Variants in TG observed in about 807,000 individuals in gnomAD.
The protein encoded by TG is thyroglobulin.
A neutral mutation model predicts 324.7 loss-of-function variants in TG; 270 were observed. That is an observed-to-expected ratio of 0.83 (90% CI 0.75 to 0.92). TG has a LOEUF of 0.92. Among genes scored for constraint, TG ranks in the 40% least tolerant of loss-of-function variants. The pLI is 0.00. For synonymous variants in TG, 1,401 were observed against 1,327.0 expected (o/e 1.06, Z -1.21); for missense variants, 3,591 against 3,456.4 (o/e 1.04, Z -0.98).
intron 33 of TG, 52 bp downstream of exon 33, chr8:132,971,925 G>A: frequency 8.3e-7 from 1 of 1,209,404 alleles, no homozygotes; most frequent in Non-Finnish European, 1.2e-6. Flanking sequence ...CTGCAGTTTA[G>A]AAAACACATT....
intron 26 of TG, among the ~76,000 whole-genome samples, chr8:132,947,852 A>G (rs1456631213): frequency 6.6e-6 from 1 of 152,254 alleles, no homozygotes; most frequent in Non-Finnish European, 1.5e-5. Flanking sequence ...TGGCTGGCAC[A>G]TAGCAGATAT....
At chr8:132,938,617 A>G (rs1396329423) in intron 25 of TG, among the ~76,000 whole-genome samples, 1 of 152,188 alleles carries the variant, frequency 6.6e-6, no homozygotes, top group African/African-American at 2.4e-5. Context: ...AGAACCAGCA[A>G]TAAGATCATC....
intron 16 of TG, 37 bp downstream of exon 16, chr8:132,901,590 C>T (rs1258479875): frequency 6.3e-6 from 10 of 1,592,738 alleles, no homozygotes; most frequent in Non-Finnish European, 8.6e-6. Context: ...ACGAGGCCTG[C>T]ATATCTGTTC....
At chr8:133,112,162 G>A (rs1388220315) in intron 43 of TG, among the ~76,000 whole-genome samples, 3 of 152,200 alleles carry the variant, frequency 2.0e-5, no homozygotes, top group Non-Finnish European at 4.4e-5. Flanking sequence ...TCCCACCCAG[G>A]AGGGACTGTG....
intron 26 of TG, among the ~76,000 whole-genome samples, chr8:132,941,970 C>T (rs574580386): frequency 6.6e-6 from 1 of 152,340 alleles, no homozygotes; most frequent in Non-Finnish European, 1.5e-5. Context: ...AATGTCAGCT[C>T]ATTCCCATTT....
chr8:132,891,948 G>A (rs990553074), intron 10 of TG, among the ~76,000 whole-genome samples: 6 of 152,166 alleles, frequency 3.9e-5, no homozygotes, highest in African/African-American at 1.2e-4. Flanking sequence ...ACACTGCCAA[G>A]GACAGCATGT....
rs571292728 is a variant in TG, at chr8:133,082,151, T to C, written c.7240-12893T>C. 2.6e-5 allele frequency among the ~76,000 whole-genome samples: 4 copies of C among 152,256 alleles called. No homozygotes were observed. The South Asian group carries it at 8.3e-4, about 32-fold the overall frequency. On this transcript the variant is annotated intron_variant, in intron 41 of 47. Transcript: ENST00000220616. ...TGTACGGTGCTGGTGTTGGTGGTGTTGGGTGTTGTCAGGCCGCATGAAGGG... is the reference window on the plus strand; with the variant it reads ...TGTACGGTGCTGGTGTTGGTGGTGTCGGGTGTTGTCAGGCCGCATGAAGGG...
At chr8:133,031,396 C>T (rs2130996579) in intron 41 of TG, among the ~76,000 whole-genome samples, 1 of 152,256 alleles carries the variant, frequency 6.6e-6, no homozygotes, top group South Asian at 2.1e-4. Flanking sequence ...CTACCTTTTG[C>T]CTATTGTGAA....
At chr8:133,049,905 T>C in intron 41 of TG, 1 of 1,600,870 alleles carries the variant, frequency 6.2e-7, no homozygotes, top group Non-Finnish European at 8.6e-7. Context: ...TACTCACCCA[T>C]GGTAAACTCT....
chr8:133,039,953 G>GCACGCACA lies in TG; in HGVS notation c.7239+9933_7239+9934insGCACACAC, dbSNP rs1554706051. On this transcript the variant is annotated intron_variant, in intron 41 of 47. Coordinates refer to ENST00000220616, the MANE Select transcript of TG (RefSeq NM_003235.5). ...TCACATGTTCACAGAGCACTTGCATGCACACACACACACACACACACACAC... is the reference window on the plus strand; with the variant it reads ...TCACATGTTCACAGAGCACTTGCATGCACGCACACACACACACACACACACACACACAC... The GCACGCACA allele has an allele frequency of 5.3e-4, 756 of 1,434,238 alleles. 3 individuals carry two copies. In the African/African-American group the frequency reaches 0.01, roughly 19 times the overall value. The allele number at this position is 1,434,238 out of a possible 1,614,324, so 88.8% of individuals were successfully genotyped here. A position where few individuals can be genotyped will look rare whatever the true frequency, so the allele number is the denominator to read the frequency against.
At chr8:132,969,670 T>G in intron 32 of TG, 101 bp downstream of exon 32, 1 of 918,682 alleles carries the variant, frequency 1.1e-6, no homozygotes. Flanking sequence ...CCCAGCACTT[T>G]GGGAGGCCGA....
chr8:132,894,612 C>T (rs1296813403), intron 11 of TG, among the ~76,000 whole-genome samples: 3 of 152,164 alleles, frequency 2.0e-5, no homozygotes, highest in Admixed American at 6.5e-5. Context: ...GTGTGTGCCA[C>T]CACATGCAGC....
Position 133,013,661 on chromosome 8 carries a change from A to G in TG, c.6459A>G (p.Arg2153=), listed in dbSNP as rs141340310. 18 of 1,614,160 alleles carry G rather than the reference A, an allele frequency of 1.1e-5. No homozygotes were observed. Among genetic ancestry groups the G allele is most frequent in the Non-Finnish European group, 1.4e-5 (16 of 1,180,028 alleles). ...TTLQTQPGAV[R]CMFYADTQSC... ...TGCAAACCCAACCTGGGGCTGTGAG[A>G]TGTATGTTCTATGCTGATACTCAAA... Residue 2153 remains arginine (R), a synonymous_variant, in exon 37 of 48, where the codon AGA becomes AGG. Coordinates refer to ENST00000220616, the MANE Select transcript of TG (RefSeq NM_003235.5).
intron 17 of TG, among the ~76,000 whole-genome samples, chr8:132,907,672 C>A (rs1818881943): frequency 6.6e-6 from 1 of 152,140 alleles, no homozygotes; most frequent in Non-Finnish European, 1.5e-5. Context: ...TGGCCTGTCA[C>A]TTTGACTATG....
intron 35 of TG, chr8:133,002,876 G>T: frequency 6.0e-6 from 2 of 335,400 alleles, no homozygotes; most frequent in South Asian, 1.6e-4. Context: ...GTACACTGGG[G>T]AACATTGTAA....
intron 28 of TG, among the ~76,000 whole-genome samples, chr8:132,962,092 G>A (rs1827843642): frequency 6.6e-6 from 1 of 152,126 alleles, no homozygotes; most frequent in African/African-American, 2.4e-5. Context: ...GCTGAGTAAT[G>A]TTGGTGGGGG....
At chr8:132,869,859 AC>A (rs1839319210) in intron 3 of TG, 33 bp downstream of exon 3, 2 of 1,594,254 alleles carry the variant, frequency 1.3e-6, no homozygotes, top group African/African-American at 2.7e-5. Flanking sequence ...CCTTGGAGGG[AC>A]CCTGCTAGGA....
chr8:133,050,263 C>T (rs1399590013), intron 41 of TG: 1 of 478,814 alleles, frequency 2.1e-6, no homozygotes, highest in Non-Finnish European at 3.8e-6. Context: ...ATGTTCCCAA[C>T]TGTTGGAGGC....
intron 41 of TG, among the ~76,000 whole-genome samples, chr8:133,069,187 C>G (rs1843564645): frequency 6.6e-6 from 1 of 152,258 alleles, no homozygotes; most frequent in Non-Finnish European, 1.5e-5. Context: ...CTTCTAGGCA[C>G]AGGGACTATA....
Sources: allele counts gnomAD v4.1 joint callset (sites outside exome capture counted in the v4.1 genomes callset), GRCh38; gene constraint gnomAD v4.1.1; transcripts MANE v1.5; gene names NCBI Gene and HGNC (gene_info 2026-07-23, HGNC 2026-07-21).